The following ALK variants were observed in gnomAD, a reference collection of about 807,000 sequenced individuals.
ALK encodes ALK tyrosine kinase receptor.
In ALK, 74 loss-of-function variants were observed where a neutral mutation model predicts 163.1. The ratio of observed to expected loss-of-function variants is 0.45; its 90% CI spans 0.38 to 0.55. ALK has a LOEUF of 0.55. Ranked by LOEUF, ALK falls within the 20% of genes least tolerant of loss-of-function variation. ALK has a pLI of 0.00. For missense variants in ALK, 2,063 were observed against 2,105.3 expected (o/e 0.98, Z 0.39); for synonymous variants, 960 against 843.2 (o/e 1.14, Z -2.40).
chr2:29,403,764 T>C (rs1231392808), intron 4 of ALK, among the ~76,000 whole-genome samples: 1 of 141,990 alleles, frequency 7.0e-6, no homozygotes, highest in Admixed American at 7.0e-5. Flanking sequence ...GAAAGAAAAT[T>C]AGCCAGGCAT....
chr2:29,620,311 C>T lies in ALK; in HGVS notation c.952+74539G>A, dbSNP rs78327246. On this transcript the variant is annotated intron_variant, in intron 3 of 28. Coordinates refer to ENST00000389048, the MANE Select transcript of ALK (RefSeq NM_004304.5). Reference sequence around the variant, plus strand: ...CCTGGTTTACAGATGGCTTCCCTCACGTTCACACGGTGTTCTTTCTGTGTG... The same window carrying T: ...CCTGGTTTACAGATGGCTTCCCTCATGTTCACACGGTGTTCTTTCTGTGTG... Among the ~76,000 whole-genome samples the T allele has an allele frequency of 3.7e-3, 561 of 152,208 alleles. 1 individual carries two copies. Among genetic ancestry groups the T allele is most frequent in the African/African-American group, 0.012 (503 of 41,538 alleles).
chr2:29,813,036 G>A (rs1664797085), intron 1 of ALK, among the ~76,000 whole-genome samples: 1 of 152,220 alleles, frequency 6.6e-6, no homozygotes, highest in Non-Finnish European at 1.5e-5. Context: ...ATGACAGATT[G>A]TGAAGCATGA....
chr2:29,593,795 T>A (rs1230494147), intron 3 of ALK, among the ~76,000 whole-genome samples: 1 of 152,220 alleles, frequency 6.6e-6, no homozygotes, highest in East Asian at 1.9e-4. Context: ...GGCAAACCAG[T>A]GTATTCTTAG....
At chr2:29,906,941 T>G (rs1453667005) in intron 1 of ALK, among the ~76,000 whole-genome samples, 365 of 6,832 alleles carry the variant, frequency 0.053, 5 homozygotes, top group Middle Eastern at 0.1. Flanking sequence ...TTTAAGGTTT[T>G]TTTTTTTTTT....
At chr2:29,411,008 C>T (rs540078269) in intron 4 of ALK, among the ~76,000 whole-genome samples, 12 of 152,296 alleles carry the variant, frequency 7.9e-5, no homozygotes, top group East Asian at 7.7e-4. Flanking sequence ...AACATAAATA[C>T]GTTGCTCAGG....
At chr2:29,412,904 C>T (rs921403799) in intron 4 of ALK, among the ~76,000 whole-genome samples, 2 of 152,156 alleles carry the variant, frequency 1.3e-5, no homozygotes, top group African/African-American at 2.4e-5. Flanking sequence ...GCTATAGACC[C>T]TTCTAGAATT....
intron 3 of ALK, among the ~76,000 whole-genome samples, chr2:29,672,601 A>C (rs1248822728): frequency 0.05 from 7,554 of 150,672 alleles, 574 homozygotes; most frequent in African/African-American, 0.18. Flanking sequence ...CTTGGTTCCA[A>C]GTCTTTGCTA....
At chr2:29,614,982 T>C (rs1675799812) in intron 3 of ALK, among the ~76,000 whole-genome samples, 1 of 152,020 alleles carries the variant, frequency 6.6e-6, no homozygotes, top group South Asian at 2.1e-4. Flanking sequence ...TTTTTTTAAG[T>C]TTTATTTATT....
At chr2:29,333,934 C>A (rs1667531718) in intron 5 of ALK, among the ~76,000 whole-genome samples, 1 of 152,102 alleles carries the variant, frequency 6.6e-6, no homozygotes, top group South Asian at 2.1e-4. Flanking sequence ...GTGATGCCTC[C>A]CTATTCATAT....
intron 3 of ALK, among the ~76,000 whole-genome samples, chr2:29,662,261 C>T (rs1403714207): frequency 6.6e-6 from 1 of 152,128 alleles, no homozygotes; most frequent in Admixed American, 6.6e-5. Context: ...CGGGGCCAGC[C>T]TCCCTGCCCT....
chr2:29,651,613 T>A (rs866182171), intron 3 of ALK, among the ~76,000 whole-genome samples: 3 of 152,184 alleles, frequency 2.0e-5, no homozygotes, highest in Non-Finnish European at 2.9e-5. Flanking sequence ...TTCAAAGGCT[T>A]CTGTGTGCTG....
At chr2:29,700,065 G>C (rs1373562708) in intron 2 of ALK, among the ~76,000 whole-genome samples, 1 of 152,220 alleles carries the variant, frequency 6.6e-6, no homozygotes, top group Non-Finnish European at 1.5e-5. Flanking sequence ...CTGAAGGTCA[G>C]TGATTCTATA....
intron 4 of ALK, among the ~76,000 whole-genome samples, chr2:29,511,589 C>T (rs1357363353): frequency 2.0e-5 from 3 of 152,118 alleles, no homozygotes; most frequent in African/African-American, 7.2e-5. Flanking sequence ...AATAATGCTG[C>T]TCTTAATTTT....
intron 4 of ALK, among the ~76,000 whole-genome samples, chr2:29,521,014 CAG>C (rs1672796665): frequency 6.6e-6 from 1 of 152,176 alleles, no homozygotes; most frequent in Non-Finnish European, 1.5e-5. Flanking sequence ...GAACGTCCCA[CAG>C]AATGAACAGC....
At chr2:29,226,016 C>G (rs1421356001) in intron 18 of ALK, among the ~76,000 whole-genome samples, 7 of 152,094 alleles carry the variant, frequency 4.6e-5, no homozygotes, top group Non-Finnish European at 8.8e-5. Context: ...GCTGGCCAGA[C>G]CACACGGAGG....
intron 1 of ALK, among the ~76,000 whole-genome samples, chr2:29,886,550 C>G (rs763306145): frequency 6.6e-6 from 1 of 152,228 alleles, no homozygotes; most frequent in East Asian, 1.9e-4. Flanking sequence ...TGTCCACTTC[C>G]TCCCACAAGG....
intron 4 of ALK, among the ~76,000 whole-genome samples, chr2:29,448,266 C>T (rs1453380891): frequency 1.3e-5 from 2 of 152,178 alleles, no homozygotes; most frequent in African/African-American, 2.4e-5. Context: ...ACAGATGGTG[C>T]AGGAGTTTCT....
chr2:29,636,900 C>A (rs1336753361), intron 3 of ALK, among the ~76,000 whole-genome samples: 1 of 152,176 alleles, frequency 6.6e-6, no homozygotes, highest in Non-Finnish European at 1.5e-5. Context: ...GCTATCACCT[C>A]ACATCTGTCA....
At chr2:29,493,928 T>C (rs1013459345) in intron 4 of ALK, among the ~76,000 whole-genome samples, 13 of 152,206 alleles carry the variant, frequency 8.5e-5, no homozygotes, top group Non-Finnish European at 1.9e-4. Flanking sequence ...TCTTTCACCC[T>C]TCCATGTCTA....
Sources: gnomAD v4.1 joint callset for allele counts (sites outside exome capture counted in the v4.1 genomes callset) on GRCh38, gnomAD v4.1.1 for gene constraint, MANE v1.5 for transcripts, NCBI Gene and HGNC (gene_info 2026-07-23, HGNC 2026-07-21) for gene names.